Variants in KCNAB1 observed in about 807,000 individuals in gnomAD.
KCNAB1 encodes voltage-gated potassium channel subunit beta-1.
In KCNAB1, 35 loss-of-function variants were observed where a neutral mutation model predicts 64.6. The ratio of observed to expected loss-of-function variants is 0.54; its 90% confidence interval spans 0.41 to 0.72. KCNAB1 has a LOEUF of 0.72. Ranked by LOEUF, KCNAB1 falls within the 30% of genes least tolerant of loss-of-function variation. The pLI is 0.00. For synonymous variants in KCNAB1, 177 were observed against 183.8 expected (o/e 0.96, Z 0.30); for missense variants, 401 against 512.9 (o/e 0.78, Z 2.11).
intron 1 of KCNAB1, among the ~76,000 whole-genome samples, chr3:156,182,635 C>CG (rs1712901313): frequency 6.6e-6 from 1 of 151,246 alleles, no homozygotes; most frequent in South Asian, 2.1e-4. Flanking sequence ...TTTTTCCCCC[C>CG]CCCGGGTCTT....
chr3:156,303,918 G>A (rs1190497446), intron 1 of KCNAB1, among the ~76,000 whole-genome samples: 1 of 152,146 alleles, frequency 6.6e-6, no homozygotes, highest in Non-Finnish European at 1.5e-5. Context: ...GCAAATCGAA[G>A]TCTGCATATT....
chr3:156,347,425 TAAG>T (rs1724551456), intron 1 of KCNAB1, among the ~76,000 whole-genome samples: 1 of 152,216 alleles, frequency 6.6e-6, no homozygotes, highest in South Asian at 2.1e-4. Context: ...CTGAAGACTC[TAAG>T]AAGACACCTC....
intron 2 of KCNAB1, among the ~76,000 whole-genome samples, chr3:156,437,574 G>T (rs1716672097): frequency 6.6e-6 from 1 of 152,000 alleles, no homozygotes; most frequent in African/African-American, 2.4e-5. Flanking sequence ...CAGGACTGGT[G>T]GCCCTTGTAA....
chr3:156,154,257 A>G (rs975284765), intron 1 of KCNAB1, among the ~76,000 whole-genome samples: 1 of 152,006 alleles, frequency 6.6e-6, no homozygotes, highest in Admixed American at 6.5e-5. Context: ...ACACACTCAT[A>G]TTACAGAGCC....
At chr3:156,244,794 G>A (rs1341979730) in intron 1 of KCNAB1, among the ~76,000 whole-genome samples, 9 of 152,260 alleles carry the variant, frequency 5.9e-5, no homozygotes, top group Non-Finnish European at 1.0e-4. Flanking sequence ...AGGGTCTGAG[G>A]GCCAAGATAA....
chr3:156,123,633 T>C (rs57615525), intron 1 of KCNAB1, among the ~76,000 whole-genome samples: 4,174 of 152,312 alleles, frequency 0.027, 234 homozygotes, highest in African/African-American at 0.095. Flanking sequence ...TAATATACTT[T>C]GCTTAATACA....
intron 12 of KCNAB1, among the ~76,000 whole-genome samples, chr3:156,527,832 A>G (rs1483602474): frequency 6.6e-6 from 1 of 152,244 alleles, no homozygotes; most frequent in Non-Finnish European, 1.5e-5. Flanking sequence ...AAAGCAAACT[A>G]CTTGAACCCA....
At chr3:156,443,637 G>A (rs761606243) in intron 2 of KCNAB1, among the ~76,000 whole-genome samples, 11 of 152,128 alleles carry the variant, frequency 7.2e-5, no homozygotes, top group Non-Finnish European at 1.2e-4. Flanking sequence ...ACATGGTGGA[G>A]GCTGAGGATG....
chr3:156,440,507 A>G (rs900900504), intron 2 of KCNAB1, among the ~76,000 whole-genome samples: 3 of 152,230 alleles, frequency 2.0e-5, no homozygotes, highest in Non-Finnish European at 4.4e-5. Context: ...ACTCTGTAGA[A>G]TTTGGACTAA....
intron 1 of KCNAB1, among the ~76,000 whole-genome samples, chr3:156,300,226 A>G (rs1289685276): frequency 6.6e-6 from 1 of 152,158 alleles, no homozygotes; most frequent in African/African-American, 2.4e-5. Flanking sequence ...CTTCCCAATC[A>G]CAAAATTCCT....
chr3:156,329,295 C>T (rs1334569163), intron 1 of KCNAB1, among the ~76,000 whole-genome samples: 1 of 152,094 alleles, frequency 6.6e-6, no homozygotes, highest in African/African-American at 2.4e-5. Flanking sequence ...GATAAAGGCA[C>T]TCTGAGCTGG....
At chr3:156,235,526 A>G (rs994016826) in intron 1 of KCNAB1, among the ~76,000 whole-genome samples, 1 of 152,180 alleles carries the variant, frequency 6.6e-6, no homozygotes, top group Non-Finnish European at 1.5e-5. Context: ...GTGCAGTTCA[A>G]GCCTTGAGGT....
At chr3:156,385,887 T>C (rs1378587329) in intron 1 of KCNAB1, among the ~76,000 whole-genome samples, 1 of 152,204 alleles carries the variant, frequency 6.6e-6, no homozygotes, top group Non-Finnish European at 1.5e-5. Context: ...GTTTTTCTGA[T>C]TATAAATCAT....
chr3:156,302,450 C>T (rs1291379554), intron 1 of KCNAB1, among the ~76,000 whole-genome samples: 2 of 152,084 alleles, frequency 1.3e-5, no homozygotes, highest in Non-Finnish European at 2.9e-5. Context: ...AAGTATCAAG[C>T]ATCATATCCC....
intron 1 of KCNAB1, among the ~76,000 whole-genome samples, chr3:156,254,884 C>T (rs963703292): frequency 1.3e-5 from 2 of 152,166 alleles, no homozygotes; most frequent in Non-Finnish European, 2.9e-5. Context: ...GGTAATATAC[C>T]GTATAAAGCA....
intron 1 of KCNAB1, among the ~76,000 whole-genome samples, chr3:156,414,676 G>A (rs547452126): frequency 6.6e-6 from 1 of 152,274 alleles, no homozygotes; most frequent in East Asian, 1.9e-4. Flanking sequence ...TTATGTATCC[G>A]CAGATTATAT....
chr3:156,276,986 A>T (rs989233999), intron 1 of KCNAB1, among the ~76,000 whole-genome samples: 2 of 152,112 alleles, frequency 1.3e-5, no homozygotes, highest in African/African-American at 2.4e-5. Context: ...TAGGCTTTTG[A>T]CATGCCTTCT....
intron 1 of KCNAB1, among the ~76,000 whole-genome samples, chr3:156,401,218 A>G (rs1713866443): frequency 6.6e-6 from 1 of 152,232 alleles, no homozygotes; most frequent in South Asian, 2.1e-4. Context: ...GAATGTAAAC[A>G]GAAACAAGTG....
chr3:156,415,151 G>T (rs1253534808), intron 1 of KCNAB1, among the ~76,000 whole-genome samples: 1 of 152,172 alleles, frequency 6.6e-6, no homozygotes, highest in African/African-American at 2.4e-5. Context: ...TTAGGCCAGG[G>T]AAGTGGGTCT....
Sources: allele counts gnomAD v4.1 joint callset (sites outside exome capture counted in the v4.1 genomes callset), GRCh38; gene constraint gnomAD v4.1.1; transcripts MANE v1.5; gene names NCBI Gene and HGNC (gene_info 2026-07-23, HGNC 2026-07-21).